Variants in NIPBL observed in about 807,000 individuals in gnomAD.
NIPBL encodes the protein nipped-B-like protein.
Under a neutral mutation model 321.8 loss-of-function variants are expected in NIPBL, and 19 were observed. The observed-to-expected ratio is 0.06, with a 90% confidence interval of 0.04 to 0.09. The LOEUF is 0.09. Among genes scored for constraint, NIPBL ranks in the 10% least tolerant of loss-of-function variants. The pLI, the probability that NIPBL is intolerant of heterozygous loss-of-function variation, is 1.00. For missense variants in NIPBL, 2,210 were observed against 3,327.0 expected, an observed-to-expected ratio of 0.66 and a Z score of 8.26; for synonymous variants, 1,106 against 1,114.1, an observed-to-expected ratio of 0.99 and a Z score of 0.14.
Position 37,048,569 on chromosome 5 carries a change from T to C in NIPBL, c.6657T>C (p.Ile2219=), listed in dbSNP as rs767406866. 3.1e-6 allele frequency: 5 copies of C among 1,590,976 alleles called. No homozygotes were observed. The highest frequency in any genetic ancestry group is 1.2e-5 in the South Asian group (1 of 86,536). Residue 2219 remains isoleucine (I), a synonymous_variant, in exon 39 of 47, where the codon ATT becomes ATC. Transcript: ENST00000282516. ...AAGTGAAGAATCTATATAATAATATTTTATCTGATAAGAACTCCTCAGTCA... is the reference window on the plus strand; with the variant it reads ...AAGTGAAGAATCTATATAATAATATCTTATCTGATAAGAACTCCTCAGTCA... The part of the protein sequence containing the change: ...EQEVKNLYNN[I]LSDKNSSVNL...
At chr5:36,922,498 G>A (rs1467097257) in intron 1 of NIPBL, among the ~76,000 whole-genome samples, 2 of 152,042 alleles carry the variant, frequency 1.3e-5, no homozygotes, top group African/African-American at 4.8e-5. Context: ...TTTGGCCATT[G>A]TCGAGTATTA....
At chr5:37,018,797 G>A (rs1038624115) in intron 24 of NIPBL, among the ~76,000 whole-genome samples, 1 of 152,016 alleles carries the variant, frequency 6.6e-6, no homozygotes, top group Non-Finnish European at 1.5e-5. Flanking sequence ...CTACCTATGA[G>A]CTCTTTTTTT....
At chr5:37,009,595 C>G (rs962911630) in intron 20 of NIPBL, among the ~76,000 whole-genome samples, 1 of 152,050 alleles carries the variant, frequency 6.6e-6, no homozygotes, top group Non-Finnish European at 1.5e-5. Flanking sequence ...TAAAAGAATC[C>G]TTAGATTTTT....
chr5:37,053,965 A>C (rs1463607963), intron 42 of NIPBL, among the ~76,000 whole-genome samples: 1 of 152,202 alleles, frequency 6.6e-6, no homozygotes, highest in East Asian at 1.9e-4. Flanking sequence ...TGGGAGGCCA[A>C]GGCAGGTGGA....
chr5:36,952,735 G>A (rs775481071), intron 1 of NIPBL, among the ~76,000 whole-genome samples: 1 of 152,148 alleles, frequency 6.6e-6, no homozygotes, highest in Non-Finnish European at 1.5e-5. Flanking sequence ...ATGTTAACAC[G>A]TCTTTGTCCT....
intron 1 of NIPBL, among the ~76,000 whole-genome samples, chr5:36,951,647 A>G (rs1450594675): frequency 6.6e-6 from 1 of 152,190 alleles, no homozygotes; most frequent in Admixed American, 6.6e-5. Context: ...GTTGCATTAA[A>G]TTTCTTTAGT....
intron 1 of NIPBL, among the ~76,000 whole-genome samples, chr5:36,895,421 T>C (rs547383393): frequency 6.6e-6 from 1 of 152,366 alleles, no homozygotes; most frequent in Admixed American, 6.5e-5. Context: ...ATAATGCTGT[T>C]ATAAGCATTC....
intron 1 of NIPBL, among the ~76,000 whole-genome samples, chr5:36,937,601 G>A (rs1369507919): frequency 6.6e-6 from 1 of 151,844 alleles, no homozygotes; most frequent in African/African-American, 2.4e-5. Context: ...CAGATCTTTA[G>A]TTTTTTTAGG....
chr5:36,929,842 T>C (rs1749648706), intron 1 of NIPBL, among the ~76,000 whole-genome samples: 1 of 152,076 alleles, frequency 6.6e-6, no homozygotes, highest in Non-Finnish European at 1.5e-5. Context: ...AAGACTGTCT[T>C]TTATTCCATT....
chr5:37,033,685 T>TACACAC (rs372949399), intron 32 of NIPBL, among the ~76,000 whole-genome samples: 3,436 of 61,590 alleles, frequency 0.056, 350 homozygotes, highest in African/African-American at 0.1. Flanking sequence ...TATATGTACA[T>TACACAC]ACACACACAC....
At chr5:36,912,796 G>A (rs1050699816) in intron 1 of NIPBL, among the ~76,000 whole-genome samples, 1 of 152,014 alleles carries the variant, frequency 6.6e-6, no homozygotes, top group Non-Finnish European at 1.5e-5. Flanking sequence ...CACCGCGCCC[G>A]GTGTGTTGTT....
At chr5:36,949,178 A>G (rs888916828) in intron 1 of NIPBL, among the ~76,000 whole-genome samples, 3 of 151,934 alleles carry the variant, frequency 2.0e-5, no homozygotes, top group Admixed American at 1.3e-4. Context: ...TGAGGTGCAG[A>G]GATTAAATAA....
At position 36,972,024 on chromosome 5, in the gene NIPBL, G is replaced by A. The variant is rs1038383291; in HGVS notation, c.851G>A (p.Ser284Asn). Residue 284 changes from serine to asparagine, a missense_variant, in exon 8 of 47, where the codon AGT becomes AAT. Around this residue, in one of 14 missense-constraint regions of NIPBL, gnomAD observed 464 missense variants for 529.5 expected, o/e 0.88. Transcript: ENST00000282516. ...CAGCCAGTATGCTCCCCTGCTGGAA[G>A]TGAAGGAACTCCTAAAGGTACTACT... Reference protein sequence around the residue: ...SPQPVCSPAGSEGTPKGSRPP... With the variant: ...SPQPVCSPAGNEGTPKGSRPP... The A allele has an allele frequency of 1.9e-6, 3 of 1,611,644 alleles. No homozygotes were observed. In the African/African-American group the frequency reaches 4.0e-5, roughly 22 times the overall value.
intron 27 of NIPBL, among the ~76,000 whole-genome samples, chr5:37,021,357 T>C (rs933349799): frequency 5.9e-5 from 9 of 152,034 alleles, no homozygotes; most frequent in Non-Finnish European, 1.3e-4. Context: ...GTTTTACAAA[T>C]ATATATTTGT....
intron 1 of NIPBL, among the ~76,000 whole-genome samples, chr5:36,940,264 T>G (rs1738913499): frequency 6.6e-6 from 1 of 152,138 alleles, no homozygotes; most frequent in Non-Finnish European, 1.5e-5. Flanking sequence ...CTAAGCAATT[T>G]TTAAGTGTGC....
At chr5:37,018,930 C>G (rs1749307238) in intron 24 of NIPBL, among the ~76,000 whole-genome samples, 1 of 151,972 alleles carries the variant, frequency 6.6e-6, no homozygotes, top group African/African-American at 2.4e-5. Context: ...TGGTGAAACC[C>G]TGTCTCTACT....
At chr5:36,888,492 G>C (rs151288305) in intron 1 of NIPBL, among the ~76,000 whole-genome samples, 12 of 152,216 alleles carry the variant, frequency 7.9e-5, no homozygotes, top group South Asian at 2.1e-4. Context: ...AAAGTTAAAG[G>C]AAGGACTTTT....
At chr5:36,903,678 C>T (rs1019154909) in intron 1 of NIPBL, among the ~76,000 whole-genome samples, 7 of 152,044 alleles carry the variant, frequency 4.6e-5, no homozygotes, top group South Asian at 2.1e-4. Flanking sequence ...TGATGGAGAA[C>T]TTTATTTAAA....
At chr5:37,029,046 T>G (rs1409159708) in intron 32 of NIPBL, among the ~76,000 whole-genome samples, 1 of 152,218 alleles carries the variant, frequency 6.6e-6, no homozygotes, top group Non-Finnish European at 1.5e-5. Flanking sequence ...TGATTAAAGT[T>G]CAATTTTTAA....
Sources: gnomAD v4.1 joint callset for allele counts (sites outside exome capture counted in the v4.1 genomes callset) on GRCh38, gnomAD v4.1.1 for gene constraint, gnomAD v4.1.1 regional missense constraint, MANE v1.5 for transcripts, NCBI Gene and HGNC (gene_info 2026-07-23, HGNC 2026-07-21) for gene names.